Variants in OTUD5 observed in about 807,000 individuals in gnomAD.
The protein encoded by OTUD5 is OTU domain-containing protein 5.
In OTUD5, 2 loss-of-function variants were observed where a neutral mutation model predicts 36.3. That is an observed-to-expected ratio of 0.06 (90% CI 0.02 to 0.17). The LOEUF (loss-of-function observed/expected upper bound fraction) is 0.17. Ranked by LOEUF, OTUD5 falls within the 10% of genes least tolerant of loss-of-function variation. OTUD5 has a pLI of 1.00. For synonymous variants in OTUD5, 234 were observed against 214.9 expected, an observed-to-expected ratio of 1.09 and a Z score of -0.78; for missense variants, 233 against 512.3, an observed-to-expected ratio of 0.45 and a Z score of 5.26.
At chrX:48,952,327 T>C (rs1221095581) in intron 1 of OTUD5, among the ~76,000 whole-genome samples, 1 of 112,159 alleles carries the variant, frequency 8.9e-6, no homozygotes, top group Non-Finnish European at 1.9e-5. Flanking sequence ...TGGGGGATCA[T>C]AGCTAAAGAG....
intron 2 of OTUD5, among the ~76,000 whole-genome samples, chrX:48,937,806 C>T (rs1296670964): frequency 8.9e-6 from 1 of 112,282 alleles, no homozygotes; most frequent in African/African-American, 3.2e-5. Flanking sequence ...TTTGTCATGA[C>T]GACAATGATT....
At chrX:48,946,038 A>G (rs1557052324) in intron 1 of OTUD5, among the ~76,000 whole-genome samples, 1 of 111,043 alleles carries the variant, frequency 9.0e-6, no homozygotes, top group Non-Finnish European at 1.9e-5. Flanking sequence ...AGGCCTGCCC[A>G]GGGATTTATA....
intron 2 of OTUD5, 54 bp downstream of exon 2, chrX:48,944,136 G>T: frequency 1.1e-6 from 1 of 879,087 alleles, no homozygotes; most frequent in Non-Finnish European, 1.7e-6. Flanking sequence ...CCTGATAACT[G>T]GGACACAGCT....
intron 1 of OTUD5, among the ~76,000 whole-genome samples, chrX:48,945,767 T>C (rs2064016995): frequency 9.0e-6 from 1 of 111,151 alleles, no homozygotes; most frequent in South Asian, 3.8e-4. Flanking sequence ...TTATAAATTG[T>C]TTTTTTCCTA....
chrX:48,947,023 GA>G (rs1181815377), intron 1 of OTUD5, among the ~76,000 whole-genome samples: 1 of 112,067 alleles, frequency 8.9e-6, no homozygotes, highest in Non-Finnish European at 1.9e-5. Context: ...GAGGGGTAGG[GA>G]AACAGGTAAC....
At chrX:48,935,531 G>GA (rs1300124588) in intron 2 of OTUD5, among the ~76,000 whole-genome samples, 34 of 108,746 alleles carry the variant, frequency 3.1e-4, no homozygotes, top group Admixed American at 2.4e-3. Flanking sequence ...AAAAAGGAAA[G>GA]AAAAAAAAAT....
At chrX:48,943,638 T>C (rs1170795966) in intron 2 of OTUD5, among the ~76,000 whole-genome samples, 1 of 111,378 alleles carries the variant, frequency 9.0e-6, no homozygotes, top group Non-Finnish European at 1.9e-5. Context: ...TGTAAAGATC[T>C]AGTCTGATAG....
intron 1 of OTUD5, among the ~76,000 whole-genome samples, chrX:48,945,134 T>C (rs1034104292): frequency 1.8e-5 from 2 of 110,967 alleles, no homozygotes; most frequent in Non-Finnish European, 3.8e-5. Flanking sequence ...TATGTATGTA[T>C]ACAAACACAC....
intron 6 of OTUD5, 131 bp from the exon 7 acceptor site, chrX:48,924,183 C>T: frequency 1.7e-6 from 1 of 582,009 alleles, no homozygotes; most frequent in Non-Finnish European, 2.7e-6. Context: ...AACATCATCC[C>T]CACTCACACG....
At chrX:48,950,081 G>A (rs1306371219) in intron 1 of OTUD5, among the ~76,000 whole-genome samples, 3 of 106,297 alleles carry the variant, frequency 2.8e-5, no homozygotes, top group African/African-American at 1.0e-4. Context: ...CCCAGGAGGC[G>A]GAGGTTGCGG....
intron 1 of OTUD5, among the ~76,000 whole-genome samples, chrX:48,947,810 C>T (rs2064059137): frequency 9.0e-6 from 1 of 111,547 alleles, no homozygotes; most frequent in East Asian, 2.8e-4. Context: ...TCCAAAAATG[C>T]TTGTTAACTG....
rs782055529 is a variant in OTUD5 at position 48,929,879 on chromosome X, G to A, written c.1060-3829C>T. ...AGCACTTTGGGAGGCCGAGGCGGGC[G>A]GATCACGAGGTCAGGAGATTGAGAC... On this transcript the variant is annotated intron_variant, in intron 5 of 8. Coordinates refer to ENST00000376488, the MANE Select transcript of OTUD5 (RefSeq NM_001136157.2). Among the ~76,000 whole-genome samples, 25 of 110,655 alleles carry A rather than the reference G, an allele frequency of 2.3e-4. No homozygotes were observed. In the East Asian group the frequency reaches 5.4e-3, roughly 24 times the overall value.
At position 48,957,499 on chromosome X, in the gene OTUD5, C is replaced by T. The variant is rs1359857135; in HGVS notation, c.72G>A (p.Gly24=). Residue 24 remains glycine, a synonymous_variant, in exon 1 of 9, where the codon GGG becomes GGA. Coordinates refer to ENST00000376488, the MANE Select transcript of OTUD5 (RefSeq NM_001136157.2). ...ADPANEPPPP[G]PMPPAPRRGG... is the part of the protein sequence containing the mutation. ...CGCGCCGCGGCGCCGGGGGCATCGG[C>T]CCGGGCGGCGGCGGCTCGTTGGCGG... is the stretch of plus-strand genomic sequence containing the variant. 3.6e-6 allele frequency: 3 copies of T among 825,441 alleles called. No homozygotes were observed. Among genetic ancestry groups the T allele is most frequent in the South Asian group, 6.3e-5 (1 of 15,913 alleles). The allele number at this position is 825,441 out of a possible 1,213,427, so 68.0% of individuals were successfully genotyped here.
At chrX:48,952,761 C>T (rs1229559198) in intron 1 of OTUD5, among the ~76,000 whole-genome samples, 1 of 112,566 alleles carries the variant, frequency 8.9e-6, no homozygotes, top group Non-Finnish European at 1.9e-5. Context: ...AGAAACAGGA[C>T]TCAAATCCAC....
intron 5 of OTUD5, among the ~76,000 whole-genome samples, chrX:48,931,594 C>T (rs1177402088): frequency 9.5e-6 from 1 of 105,795 alleles, no homozygotes; most frequent in African/African-American, 3.5e-5. Context: ...GCGTGGCCAA[C>T]ATGGTGAAAC....
intron 2 of OTUD5, among the ~76,000 whole-genome samples, chrX:48,941,725 T>C (rs1297646458): frequency 9.0e-6 from 1 of 111,317 alleles, no homozygotes; most frequent in Non-Finnish European, 1.9e-5. Context: ...ATTCAACACA[T>C]GGCAGGAAGT....
intron 5 of OTUD5, among the ~76,000 whole-genome samples, chrX:48,927,773 C>T (rs1375189483): frequency 9.0e-6 from 1 of 111,539 alleles, no homozygotes; most frequent in Non-Finnish European, 1.9e-5. Flanking sequence ...ACCTAATCTT[C>T]AGCCTCTCTC....
rs2063606990 is a variant in OTUD5, at chrX:48,923,117, G to A, written c.*57C>T. 4 of 1,204,878 alleles carry A rather than the reference G, an allele frequency of 3.3e-6. No homozygotes were observed. In the Admixed American group the frequency reaches 6.6e-5, roughly 20 times the overall value. On this transcript the variant is annotated 3_prime_UTR_variant, in exon 9 of 9. Coordinates refer to ENST00000376488, the MANE Select transcript of OTUD5 (RefSeq NM_001136157.2). Reference sequence around the variant, plus strand: ...GGAAGAAGCCAAAGAAGGTGAGGTGGCACCGGAGAGCAGGAGTACTGGGGT... The same window carrying A: ...GGAAGAAGCCAAAGAAGGTGAGGTGACACCGGAGAGCAGGAGTACTGGGGT...
chrX:48,945,023 C>CAA (rs1171387245), intron 1 of OTUD5, among the ~76,000 whole-genome samples: 4 of 79,498 alleles, frequency 5.0e-5, no homozygotes, highest in African/African-American at 9.1e-5. Context: ...AACTCTGTCT[C>CAA]AAAAAAAAAA....
Sources: gnomAD v4.1 joint callset for allele counts (sites outside exome capture counted in the v4.1 genomes callset) on GRCh38, gnomAD v4.1.1 for gene constraint, MANE v1.5 for transcripts, NCBI Gene and HGNC (gene_info 2026-07-23, HGNC 2026-07-21) for gene names.